Variants in COL19A1 observed in about 807,000 individuals in gnomAD.
COL19A1 encodes collagen type XIX alpha 1 chain, also known as collagen alpha-1(XIX) chain.
Under a neutral mutation model 190.2 loss-of-function variants are expected in COL19A1, and 159 were observed. The observed-to-expected ratio is 0.84, with a 90% CI of 0.73 to 0.95. The LOEUF is 0.95. COL19A1 is among the 40% of genes least tolerant of loss of function. The pLI is 0.00. For missense variants in COL19A1, 1,418 were observed against 1,431.9 expected (o/e 0.99, Z 0.16); for synonymous variants, 509 against 458.9 (o/e 1.11, Z -1.39).
At chr6:69,921,401 T>TCA (rs1771828843) in intron 4 of COL19A1, among the ~76,000 whole-genome samples, 2 of 107,444 alleles carry the variant, frequency 1.9e-5, no homozygotes. Context: ...ATATCATATA[T>TCA]CATATATATC....
intron 9 of COL19A1, among the ~76,000 whole-genome samples, chr6:69,939,395 C>T (rs1280714633): frequency 6.6e-6 from 1 of 152,010 alleles, no homozygotes; most frequent in Non-Finnish European, 1.5e-5. Flanking sequence ...TACACTCACT[C>T]TTCATGTTAG....
At chr6:69,880,223 G>A (rs573070356) in intron 2 of COL19A1, among the ~76,000 whole-genome samples, 14 of 152,160 alleles carry the variant, frequency 9.2e-5, no homozygotes, top group African/African-American at 3.1e-4. Context: ...ATTTCCAAAA[G>A]GCTTAAGGGC....
chr6:70,063,349 A>G (rs974050574), intron 14 of COL19A1, among the ~76,000 whole-genome samples: 1 of 152,172 alleles, frequency 6.6e-6, no homozygotes, highest in Non-Finnish European at 1.5e-5. Flanking sequence ...GCTCAACTAC[A>G]TGGAAACTGA....
intron 11 of COL19A1, among the ~76,000 whole-genome samples, chr6:69,969,703 T>A (rs142174347): frequency 6.6e-6 from 1 of 152,292 alleles, no homozygotes; most frequent in East Asian, 1.9e-4. Context: ...ACTTCCTTTT[T>A]TATAAGGGAC....
chr6:70,043,942 G>T (rs1365696072), intron 14 of COL19A1, among the ~76,000 whole-genome samples: 7 of 152,212 alleles, frequency 4.6e-5, no homozygotes, highest in Admixed American at 4.6e-4. Context: ...GAAAGTCTTA[G>T]ATGGCATCTT....
chr6:69,965,172 C>T (rs1775021660), intron 11 of COL19A1, among the ~76,000 whole-genome samples: 1 of 152,168 alleles, frequency 6.6e-6, no homozygotes, highest in African/African-American at 2.4e-5. Flanking sequence ...TAAAAACCCA[C>T]TTTCTTCTTT....
rs565408531 is a variant in COL19A1 at position 70,137,570 on chromosome 6, G to C, written c.1384-115G>C. 8 of 923,056 alleles carry C rather than the reference G, an allele frequency of 8.7e-6. No homozygotes were observed. In the African/African-American group the frequency reaches 1.3e-4, roughly 15 times the overall value. The allele number at this position is 923,056 out of a possible 1,614,324, so 57.2% of individuals were successfully genotyped here. On this transcript the variant is annotated intron_variant, in intron 18 of 50. Transcript: ENST00000620364. ...CAGAACTTTGCATTGTCTGTTGGAT[G>C]CTAATAGATAAATTGTATAGTTAGC...
At chr6:70,198,702 G>T (rs1308032233) in intron 48 of COL19A1, among the ~76,000 whole-genome samples, 1 of 152,180 alleles carries the variant, frequency 6.6e-6, no homozygotes, top group Non-Finnish European at 1.5e-5. Flanking sequence ...ATCTGTTGCT[G>T]CATAAGAAAA....
intron 15 of COL19A1, among the ~76,000 whole-genome samples, chr6:70,070,803 G>A (rs6903796): frequency 0.23 from 35,214 of 151,964 alleles, 5,425 homozygotes; most frequent in Non-Finnish European, 0.33. Context: ...ACATACAGAT[G>A]CACATTCTGA....
chr6:70,183,602 T>G (rs1200093079), intron 44 of COL19A1, among the ~76,000 whole-genome samples: 23 of 152,232 alleles, frequency 1.5e-4, no homozygotes, highest in Non-Finnish European at 2.1e-4. Context: ...TGTGTCTGAA[T>G]GTAATAAATT....
chr6:69,989,120 G>C (rs982804951), intron 11 of COL19A1, among the ~76,000 whole-genome samples: 1 of 151,990 alleles, frequency 6.6e-6, no homozygotes, highest in African/African-American at 2.4e-5. Flanking sequence ...CTAGATTGTT[G>C]GAATAGGTTT....
intron 16 of COL19A1, among the ~76,000 whole-genome samples, chr6:70,110,108 A>G (rs1401106175): frequency 1.3e-5 from 2 of 152,206 alleles, no homozygotes; most frequent in Admixed American, 1.3e-4. Context: ...CCCAAAACAC[A>G]TTTTTGGACT....
In COL19A1 at chr6:70,137,722, G is replaced by T; in HGVS notation, c.1421G>T (p.Gly474Val). Residue 474 changes from glycine (G) to valine (V), a missense_variant, in exon 19 of 51, where the codon GGC becomes GTC. Gly to Val is a moderately radical substitution (Grantham distance 109, BLOSUM62 -3). Transcript: ENST00000620364. The stretch of plus-strand genomic sequence containing the variant: ...CTACCAGGATTTCCAGGGTCTGTTG[G>T]CCCTAAAGGACAAAAAGGAGAACCT... ...TGLPGFPGSV[G>V]PKGQKGEPGE... is the part of the protein sequence containing the mutation. The T allele has an allele frequency of 1.2e-6, 2 of 1,613,274 alleles. No individual in the cohort carries two copies. Among genetic ancestry groups the T allele is most frequent in the Non-Finnish European group, 8.5e-7 (1 of 1,179,418 alleles).
rs372506562 is a variant in COL19A1, at chr6:70,144,925, C to A, written c.1688C>A (p.Pro563Gln). 13 of 1,572,930 alleles carry A rather than the reference C, an allele frequency of 8.3e-6. No individual in the cohort carries two copies. Among genetic ancestry groups the A allele is most frequent in the Non-Finnish European group, 1.1e-5 (13 of 1,156,454 alleles). The change falls in exon 25 of 51, where the codon CCG becomes CAG. Residue 563 changes from proline (P) to glutamine (Q), a missense_variant. By Grantham distance (76) the Pro-to-Gln change is moderately conservative. Coordinates refer to ENST00000620364, the MANE Select transcript of COL19A1 (RefSeq NM_001858.6). ...KQGIKGEKGD[P>Q]GGIIGPPGLP... ...TTACCTTGTTTTCTACAGGGAGATCCGGGTGGGATCATAGGCCCTCCCGGG... is the reference window on the plus strand; with the variant it reads ...TTACCTTGTTTTCTACAGGGAGATCAGGGTGGGATCATAGGCCCTCCCGGG...
At chr6:69,971,746 C>G (rs1456678348) in intron 11 of COL19A1, among the ~76,000 whole-genome samples, 1 of 152,178 alleles carries the variant, frequency 6.6e-6, no homozygotes, top group Non-Finnish European at 1.5e-5. Context: ...TCTGGAATTT[C>G]TGACCAATGT....
intron 44 of COL19A1, among the ~76,000 whole-genome samples, chr6:70,182,246 G>T (rs1346225898): frequency 6.6e-6 from 1 of 152,202 alleles, no homozygotes; most frequent in East Asian, 1.9e-4. Flanking sequence ...AAAACTTGCT[G>T]ATGGACTAAT....
intron 44 of COL19A1, among the ~76,000 whole-genome samples, 194 bp from the exon 45 acceptor site, chr6:70,184,509 C>T (rs924666295): frequency 1.4e-5 from 2 of 143,758 alleles, no homozygotes; most frequent in Non-Finnish European, 3.1e-5. Context: ...GTTAATGGGA[C>T]TAGTAAGTGA....
intron 12 of COL19A1, among the ~76,000 whole-genome samples, chr6:70,031,777 C>A (rs778703349): frequency 6.6e-6 from 1 of 152,140 alleles, no homozygotes; most frequent in African/African-American, 2.4e-5. Flanking sequence ...CACCACCACA[C>A]AAGGACCATT....
intron 1 of COL19A1, chr6:69,867,760 A>AAG (rs1767565806): frequency 6.6e-6 from 1 of 152,544 alleles, no homozygotes; most frequent in Admixed American, 6.5e-5. Flanking sequence ...TGAGAAGGTG[A>AAG]AGAGGCAGAG....
Sources: allele counts gnomAD v4.1 joint callset (sites outside exome capture counted in the v4.1 genomes callset), GRCh38; gene constraint gnomAD v4.1.1; transcripts MANE v1.5; gene names NCBI Gene and HGNC (gene_info 2026-07-23, HGNC 2026-07-21).